Variants in PRKD3 observed in about 807,000 individuals in gnomAD.
The protein encoded by PRKD3 is protein kinase D3, also known as serine/threonine-protein kinase D3.
A neutral mutation model predicts 99.2 loss-of-function variants in PRKD3; 47 were observed. The ratio of observed to expected loss-of-function variants is 0.47; its 90% CI spans 0.38 to 0.60. PRKD3 has a LOEUF of 0.60. PRKD3 is among the 20% of genes least tolerant of loss of function. PRKD3 has a pLI of 0.00. For synonymous variants in PRKD3, 392 were observed against 355.4 expected, an observed-to-expected ratio of 1.10 and a Z score of -1.16; for missense variants, 1,019 against 1,088.4, an observed-to-expected ratio of 0.94 and a Z score of 0.90.
chr2:37,256,944 A>G lies in PRKD3; in HGVS notation c.2146-15T>C, dbSNP rs765196613. ...CACAGCTTCACCTGGAAATTGAAGGATGATGTTAATTTTGTATTATAGTGT... is the reference window on the plus strand; with the variant it reads ...CACAGCTTCACCTGGAAATTGAAGGGTGATGTTAATTTTGTATTATAGTGT... On this transcript the variant is annotated splice_polypyrimidine_tract_variant and intron_variant, in intron 16 of 18. Coordinates refer to ENST00000234179, the MANE Select transcript of PRKD3 (RefSeq NM_005813.6). The G allele has an allele frequency of 6.2e-7, 1 of 1,613,566 alleles. No individual in the cohort carries two copies. The highest frequency in any genetic ancestry group is 8.5e-7 in the Non-Finnish European group (1 of 1,179,638).
intron 2 of PRKD3, among the ~76,000 whole-genome samples, chr2:37,301,388 T>C (rs938252217): frequency 6.6e-6 from 1 of 151,798 alleles, no homozygotes; most frequent in Non-Finnish European, 1.5e-5. Flanking sequence ...TTCAGTTGTA[T>C]AATTTGAAAA....
chr2:37,304,597 C>T (rs958509653), intron 2 of PRKD3, among the ~76,000 whole-genome samples: 4 of 151,936 alleles, frequency 2.6e-5, no homozygotes, highest in Admixed American at 6.6e-5. Context: ...AAAAAATTAG[C>T]TAGGCATGGT....
intron 2 of PRKD3, among the ~76,000 whole-genome samples, chr2:37,305,337 G>C (rs1671109787): frequency 6.6e-6 from 1 of 152,172 alleles, no homozygotes; most frequent in African/African-American, 2.4e-5. Context: ...TTTTAAATCA[G>C]CTAAAAGCAG....
chr2:37,316,606 G>T lies in PRKD3; in HGVS notation c.-82C>A. On this transcript the variant is annotated 5_prime_UTR_variant, in exon 2 of 19. Coordinates refer to ENST00000234179, the MANE Select transcript of PRKD3 (RefSeq NM_005813.6). ...AGGTTTTTAAAATAACAGCAGTAAA[G>T]AAAATGACCGCACTTTTGGATTTAG... 1.3e-6 allele frequency: 2 copies of T among 1,519,818 alleles called. No homozygotes were observed. The highest frequency in any genetic ancestry group is 1.3e-5 in the South Asian group (1 of 74,402). 94.1% of individuals were successfully genotyped at this position (1,519,818 alleles called of 1,614,324 possible). A position where few individuals can be genotyped will look rare whatever the true frequency, so the allele number is the denominator to read the frequency against.
intron 12 of PRKD3, among the ~76,000 whole-genome samples, chr2:37,271,594 G>A (rs1484947187): frequency 1.3e-5 from 2 of 152,194 alleles, no homozygotes; most frequent in Non-Finnish European, 2.9e-5. Context: ...AGGTTAGCAA[G>A]CATTACTGCC....
intron 2 of PRKD3, among the ~76,000 whole-genome samples, chr2:37,313,591 A>C (rs1671536700): frequency 6.6e-6 from 1 of 152,212 alleles, no homozygotes; most frequent in Non-Finnish European, 1.5e-5. Flanking sequence ...CAAGCTAAAA[A>C]AATCCTACTT....
At chr2:37,290,759 C>G (rs1239064246) in intron 4 of PRKD3, 109 bp downstream of exon 4, 2 of 1,247,488 alleles carry the variant, frequency 1.6e-6, no homozygotes, top group Admixed American at 2.4e-5. Context: ...ATTCTAAATC[C>G]TCGTTACCAC....
At chr2:37,292,400 C>T (rs1197830684) in intron 3 of PRKD3, among the ~76,000 whole-genome samples, 1 of 150,710 alleles carries the variant, frequency 6.6e-6, no homozygotes, top group Non-Finnish European at 1.5e-5. Context: ...GGCTGGAGTG[C>T]AGTGGTGCGA....
intron 12 of PRKD3, among the ~76,000 whole-genome samples, chr2:37,270,981 T>C (rs1234333291): frequency 2.6e-5 from 4 of 152,302 alleles, no homozygotes; most frequent in East Asian, 3.9e-4. Flanking sequence ...TATTCCTCCT[T>C]ATCTCCCCAA....
At chr2:37,262,520 G>A (rs72863131) in intron 14 of PRKD3, among the ~76,000 whole-genome samples, 63 of 152,278 alleles carry the variant, frequency 4.1e-4, no homozygotes, top group African/African-American at 1.5e-3. Context: ...AATACAAAAT[G>A]ACAACATTTT....
rs1258498684 is a variant in PRKD3, at chr2:37,252,646, A to G, written c.*531T>C. 1.3e-5 allele frequency: 2 copies of G among 152,038 alleles called. No homozygotes were observed. Among genetic ancestry groups the G allele is most frequent in the African/African-American group, 4.8e-5 (2 of 41,404 alleles). The allele number at this position is 152,038 out of a possible 1,614,324, so 9.4% of individuals were successfully genotyped here. A position where few individuals can be genotyped will look rare whatever the true frequency, so the allele number is the denominator to read the frequency against. ...CTAGGCATCTAAGAAAAACCCTTCA[A>G]TGCCTCTATGGTTTGTTAAACCAAT... On this transcript the variant is annotated 3_prime_UTR_variant, in exon 19 of 19. Coordinates refer to ENST00000234179, the MANE Select transcript of PRKD3 (RefSeq NM_005813.6).
intron 7 of PRKD3, among the ~76,000 whole-genome samples, chr2:37,281,085 T>TA (rs1433782393): frequency 6.6e-6 from 1 of 152,164 alleles, no homozygotes; most frequent in Non-Finnish European, 1.5e-5. Flanking sequence ...AGGATGGTTG[T>TA]AATCAAAAAG....
chr2:37,262,815 T>C (rs927923743), intron 14 of PRKD3, among the ~76,000 whole-genome samples: 3 of 152,214 alleles, frequency 2.0e-5, no homozygotes, highest in African/African-American at 7.2e-5. Context: ...TAGTAAGTTA[T>C]ACTTTCATTG....
intron 18 of PRKD3, 72 bp downstream of exon 18, chr2:37,254,132 T>G: frequency 9.0e-7 from 1 of 1,106,174 alleles, no homozygotes; most frequent in Non-Finnish European, 1.4e-6. Context: ...TAGAGTGGTC[T>G]CATTAGGTGG....
Position 37,316,770 on chromosome 2 carries a change from C to A in PRKD3, c.-246G>T. On this transcript the variant is annotated 5_prime_UTR_variant, in exon 2 of 19. Transcript: ENST00000234179. ...AGCAGTCTTGTCTGTAGGAAGACAA[C>A]CAGGGATTTGTAAAGGATTTAACAT... The A allele has an allele frequency of 7.5e-7, 1 of 1,337,184 alleles. No homozygotes were observed. Among genetic ancestry groups the A allele is most frequent in the South Asian group, 1.8e-5 (1 of 55,968 alleles). 82.8% of individuals were successfully genotyped at this position (1,337,184 alleles called of 1,614,324 possible).
At chr2:37,277,449 T>C (rs1669633495) in intron 9 of PRKD3, among the ~76,000 whole-genome samples, 1 of 152,194 alleles carries the variant, frequency 6.6e-6, no homozygotes, top group Non-Finnish European at 1.5e-5. Context: ...TCCTCGTCTT[T>C]GCTGGATCTA....
At chr2:37,277,063 A>G (rs1444614129) in intron 9 of PRKD3, among the ~76,000 whole-genome samples, 2 of 152,122 alleles carry the variant, frequency 1.3e-5, no homozygotes, top group East Asian at 3.8e-4. Flanking sequence ...ACAAAACTTT[A>G]GGCCAGCTAA....
chr2:37,260,165 A>T (rs960856829), intron 15 of PRKD3, 58 bp downstream of exon 15: 260 of 439,022 alleles, frequency 5.9e-4, no homozygotes, highest in Non-Finnish European at 8.5e-4. Context: ...CTCTTGTCTT[A>T]AAAAAAAAAA....
intron 1 of PRKD3, among the ~76,000 whole-genome samples, chr2:37,323,309 C>T (rs559961173): frequency 1.3e-5 from 2 of 151,054 alleles, no homozygotes; most frequent in South Asian, 4.2e-4. Flanking sequence ...CCTGAGTCAC[C>T]CTGAAATGTG....
Sources: allele counts gnomAD v4.1 joint callset (sites outside exome capture counted in the v4.1 genomes callset), GRCh38; gene constraint gnomAD v4.1.1; transcripts MANE v1.5; gene names NCBI Gene and HGNC (gene_info 2026-07-23, HGNC 2026-07-21).